Variants in CELF2 observed in about 807,000 individuals in gnomAD.
The protein encoded by CELF2 is CUGBP Elav-like family member 2, also known as CUG triplet repeat RNA-binding protein 2.
CELF2 carries 8 observed loss-of-function variants against 62.6 expected under a neutral mutation model. The observed-to-expected ratio is 0.13, with a 90% CI of 0.07 to 0.23. The LOEUF (loss-of-function observed/expected upper bound fraction) is 0.23, where lower values mean the gene tolerates loss of function less well. Ranked by LOEUF, CELF2 falls within the 10% of genes least tolerant of loss-of-function variation. The pLI, the probability that CELF2 is intolerant of heterozygous loss-of-function variation, is 1.00. For synonymous variants in CELF2, 258 were observed against 250.0 expected (o/e 1.03, Z -0.30); for missense variants, 333 against 671.0 (o/e 0.50, Z 5.56).
intron 3 of CELF2, among the ~76,000 whole-genome samples, chr10:11,229,307 G>C (rs2067747877): frequency 6.6e-6 from 1 of 152,116 alleles, no homozygotes; most frequent in Non-Finnish European, 1.5e-5. Flanking sequence ...GTTGAACTTG[G>C]TGTTTTCTTT....
upstream of CELF2, chr10:10,796,934 A>G (rs2054171729): frequency 2.0e-6 from 2 of 976,532 alleles, no homozygotes; most frequent in South Asian, 4.7e-5. Flanking sequence ...TTTAGTCTAG[A>G]GACAGTTGCA....
intron 2 of CELF2, among the ~76,000 whole-genome samples, chr10:10,948,878 T>C (rs533741155): frequency 1.6e-3 from 246 of 152,294 alleles, no homozygotes; most frequent in Non-Finnish European, 2.6e-3. Flanking sequence ...ATTGGCTGGC[T>C]CTGGCTTCCT....
At chr10:11,213,319 G>A (rs1452695989) in intron 2 of CELF2, among the ~76,000 whole-genome samples, 1 of 152,224 alleles carries the variant, frequency 6.6e-6, no homozygotes, top group East Asian at 1.9e-4. Flanking sequence ...TCAGACTGCT[G>A]AGCCATCTGG....
intron 7 of CELF2, among the ~76,000 whole-genome samples, chr10:11,271,288 C>A (rs1425435482): frequency 6.6e-6 from 1 of 152,214 alleles, no homozygotes; most frequent in African/African-American, 2.4e-5. Flanking sequence ...CAACAAAATT[C>A]TATTCTATTT....
chr10:10,467,029 C>T, the CELF2 span, among the ~76,000 whole-genome samples: 87,010 of 151,746 alleles, frequency 0.57, 25,059 homozygotes, highest in Admixed American at 0.65. Flanking sequence ...GCACAATATA[C>T]TTTCATTTGA....
intron 1 of CELF2, among the ~76,000 whole-genome samples, chr10:11,123,554 C>A (rs1595723003): frequency 6.6e-6 from 1 of 152,210 alleles, no homozygotes; most frequent in East Asian, 1.9e-4. Flanking sequence ...CCGGCTGAGG[C>A]AAGGTTTTGA....
chr10:11,287,989 C>T (rs1471868238), intron 8 of CELF2, among the ~76,000 whole-genome samples: 2 of 152,210 alleles, frequency 1.3e-5, no homozygotes, highest in African/African-American at 2.4e-5. Context: ...CAGCTGCTGC[C>T]ACATCTCACC....
intron 2 of CELF2, among the ~76,000 whole-genome samples, chr10:10,981,066 AC>A (rs1433631251): frequency 6.6e-6 from 1 of 152,172 alleles, no homozygotes; most frequent in Non-Finnish European, 1.5e-5. Context: ...TCCAGAGAGA[AC>A]CCTTCTGCCA....
At chr10:11,144,397 C>A (rs371674897) in intron 1 of CELF2, among the ~76,000 whole-genome samples, 3 of 152,068 alleles carry the variant, frequency 2.0e-5, no homozygotes, top group African/African-American at 7.2e-5. Context: ...ACACAGTGCT[C>A]GGTGCAGAAT....
At chr10:10,495,721 G>T in the CELF2 span, among the ~76,000 whole-genome samples, 1 of 152,174 alleles carries the variant, frequency 6.6e-6, no homozygotes, top group Non-Finnish European at 1.5e-5. Flanking sequence ...CTTGCCCAAT[G>T]TTTAATGCAC....
At chr10:10,686,311 G>GT in the CELF2 span, among the ~76,000 whole-genome samples, 59 of 14,128 alleles carry the variant, frequency 4.2e-3, 1 homozygote, top group East Asian at 0.2. Context: ...TGGATTTTTT[G>GT]GGGGGGGGGG....
the CELF2 span, among the ~76,000 whole-genome samples, chr10:10,541,002 G>T: frequency 2.6e-5 from 4 of 152,074 alleles, no homozygotes; most frequent in Non-Finnish European, 5.9e-5. Context: ...CTCCAGCCTG[G>T]GCGACAAGGT....
intron 8 of CELF2, among the ~76,000 whole-genome samples, chr10:11,278,186 A>G (rs2086847782): frequency 6.6e-6 from 1 of 152,258 alleles, no homozygotes; most frequent in Admixed American, 6.5e-5. Flanking sequence ...GACGTCAGCT[A>G]TACTTCCTTT....
chr10:11,239,249 G>C (rs551544484), intron 3 of CELF2, among the ~76,000 whole-genome samples: 1 of 152,082 alleles, frequency 6.6e-6, no homozygotes, highest in South Asian at 2.1e-4. Flanking sequence ...GGTGTACGAC[G>C]TGATTTTAAT....
the CELF2 span, among the ~76,000 whole-genome samples, chr10:10,692,437 T>G: frequency 6.7e-6 from 1 of 148,474 alleles, no homozygotes; most frequent in African/African-American, 2.5e-5. Context: ...TGAAGTCAGG[T>G]AGTGTGATGC....
At chr10:11,192,829 G>A (rs1309716747) in intron 2 of CELF2, among the ~76,000 whole-genome samples, 1 of 152,132 alleles carries the variant, frequency 6.6e-6, no homozygotes, top group Non-Finnish European at 1.5e-5. Context: ...TCAGGAATTT[G>A]GATTTAATTC....
the CELF2 span, among the ~76,000 whole-genome samples, chr10:10,774,442 G>T: frequency 6.6e-6 from 1 of 152,200 alleles, no homozygotes; most frequent in Non-Finnish European, 1.5e-5. Context: ...GATCATGGGG[G>T]TGGATCCTTC....
chr10:11,167,182 C>T (rs1479008123), intron 2 of CELF2, among the ~76,000 whole-genome samples: 6 of 152,146 alleles, frequency 3.9e-5, no homozygotes, highest in African/African-American at 1.4e-4. Context: ...TACTGGTTAC[C>T]TACATGTTTT....
chr10:11,149,443 G>T (rs563394848), intron 1 of CELF2, among the ~76,000 whole-genome samples: 1 of 152,304 alleles, frequency 6.6e-6, no homozygotes, highest in South Asian at 2.1e-4. Context: ...ATAGCTGAAT[G>T]CACAGATCTG....
Sources: gnomAD v4.1 joint callset for allele counts (sites outside exome capture counted in the v4.1 genomes callset) on GRCh38, gnomAD v4.1.1 for gene constraint, MANE v1.5 for transcripts, NCBI Gene and HGNC (gene_info 2026-07-23, HGNC 2026-07-21) for gene names.